The following TRPM4 variants were observed in gnomAD, a reference collection of about 807,000 sequenced individuals.
The protein encoded by TRPM4 is transient receptor potential cation channel subfamily M member 4.
TRPM4 carries 124 observed loss-of-function variants against 135.6 expected under a neutral mutation model. That is an observed-to-expected ratio of 0.91 (90% CI 0.79 to 1.06). TRPM4 has a LOEUF of 1.06. Among genes scored for constraint, TRPM4 ranks in the 50% least tolerant of loss-of-function variants. TRPM4 has a pLI of 0.00. For missense variants in TRPM4, 1,658 were observed against 1,671.4 expected (o/e 0.99, Z 0.14); for synonymous variants, 745 against 705.6 (o/e 1.06, Z -0.88).
chr19:49,202,197 C>T (rs1472667328), intron 20 of TRPM4, 56 bp downstream of exon 20: 1 of 1,587,494 alleles, frequency 6.3e-7, no homozygotes, highest in Non-Finnish European at 8.6e-7. Flanking sequence ...GTGGCCCTCT[C>T]ATGACTCTTG....
At chr19:49,203,325 G>A (rs573131487) in intron 20 of TRPM4, among the ~76,000 whole-genome samples, 65 of 151,796 alleles carry the variant, frequency 4.3e-4, no homozygotes, top group South Asian at 2.3e-3. Context: ...GACTACAGGC[G>A]TGCGCCACCA....
chr19:49,178,632 G>C (rs1193635744), intron 9 of TRPM4, among the ~76,000 whole-genome samples: 1 of 152,118 alleles, frequency 6.6e-6, no homozygotes, highest in African/African-American at 2.4e-5. Flanking sequence ...AGGGCTAGAT[G>C]CTGAGTTGAG....
chr19:49,186,417 G>A (rs35301859), intron 12 of TRPM4, among the ~76,000 whole-genome samples: 49,805 of 151,980 alleles, frequency 0.33, 8,410 homozygotes, highest in African/African-American at 0.41. Flanking sequence ...GCATCTAGCC[G>A]TCTGGATTTC....
At chr19:49,203,327 G>GCC (rs1568492062) in intron 20 of TRPM4, among the ~76,000 whole-genome samples, 3 of 151,662 alleles carry the variant, frequency 2.0e-5, no homozygotes, top group East Asian at 1.9e-4. Context: ...CTACAGGCGT[G>GCC]CGCCACCACA....
At position 49,210,268 on chromosome 19, in the gene TRPM4, G is replaced by A; in HGVS notation, c.3191G>A (p.Arg1064His). ...SDLYWKAQRY[R>H]LIREFHSRPA... is the part of the protein sequence containing the mutation. ...CTCTACTGGAAGGCGCAGCGTTACC[G>A]CCTCATCCGGGAATTCCACTCTCGG... is the stretch of plus-strand genomic sequence containing the variant. The change falls in exon 21 of 25, where the codon CGC becomes CAC. Residue 1064 changes from arginine (R) to histidine (H), a missense_variant. Physicochemically the swap from Arg to His is conservative, Grantham distance 29 (BLOSUM62 0). Transcript: ENST00000252826. The surrounding 1 kb of genome is among the most constrained non-coding windows in gnomAD (Gnocchi z 4.1). The A allele has an allele frequency of 6.2e-7, 1 of 1,614,212 alleles. No individual in the cohort carries two copies. Among genetic ancestry groups the A allele is most frequent in the Non-Finnish European group, 8.5e-7 (1 of 1,180,032 alleles).
chr19:49,168,104 G>A lies in TRPM4; in HGVS notation c.448+7G>A, dbSNP rs757240967. 21 of 1,599,696 alleles carry A rather than the reference G, an allele frequency of 1.3e-5. No individual in the cohort carries two copies. The highest frequency in any genetic ancestry group is 1.7e-5 in the Admixed American group (1 of 59,906). ...CGGGCTGCCCAGAGCACAGGTGACC[G>A]AGGGTGGGTGGGGGCTGTCTCCTGG... is the stretch of plus-strand genomic sequence containing the variant. On this transcript the variant is annotated splice_region_variant and intron_variant, in intron 4 of 24. Transcript: ENST00000252826.
rs1170815134 is a variant in TRPM4, at chr19:49,188,768, T to C, written c.1871T>C (p.Val624Ala). ...DLAFKFEGMG[V>A]DLFGECYRSS... ...GCGTTCAAGTTTGAGGGGATGGGCG[T>C]TGGTGCGTGGGGCACGGTGCCTGGG... The change falls in exon 13 of 25, where the codon GTT becomes GCT. Residue 624 changes from valine to alanine, a missense_variant and splice_region_variant. Val to Ala is a moderately conservative substitution (Grantham distance 64). Coordinates refer to ENST00000252826, the MANE Select transcript of TRPM4 (RefSeq NM_017636.4). 1.9e-6 allele frequency: 3 copies of C among 1,613,968 alleles called. No homozygotes were observed. Among genetic ancestry groups the C allele is most frequent in the Non-Finnish European group, 2.5e-6 (3 of 1,180,000 alleles).
intron 16 of TRPM4, among the ~76,000 whole-genome samples, chr19:49,194,454 A>C (rs1968547619): frequency 2.0e-5 from 3 of 152,150 alleles, no homozygotes; most frequent in Middle Eastern, 6.8e-3. Context: ...CATGTTGCCC[A>C]GGCTGGTCTC....
rs1967476288 is a variant in TRPM4 at position 49,171,916 on chromosome 19, G to A, written c.1051-93G>A. ...CTGGGCATATAGACTATTAGGTCCT[G>A]GAGGGGAATGGCCTCCTCCATCCCT... On this transcript the variant is annotated intron_variant, in intron 8 of 24. Coordinates refer to ENST00000252826, the MANE Select transcript of TRPM4 (RefSeq NM_017636.4). This position sits in a 1 kb window ranked among gnomAD's most constrained non-coding sequence, Gnocchi z 4.7. The A allele has an allele frequency of 1.5e-6, 2 of 1,375,242 alleles. No individual in the cohort carries two copies. The highest frequency in any genetic ancestry group is 2.3e-5 in the South Asian group (2 of 85,752). The allele number at this position is 1,375,242 out of a possible 1,614,324, so 85.2% of individuals were successfully genotyped here.
intron 16 of TRPM4, among the ~76,000 whole-genome samples, chr19:49,195,683 A>ATTTT (rs1293818542): frequency 5.1e-4 from 65 of 127,122 alleles, no homozygotes; most frequent in East Asian, 2.2e-3. Flanking sequence ...TTCTACTTTA[A>ATTTT]TTTTTTTTTT....
In TRPM4 at chr19:49,210,815, C is replaced by T. The variant is rs375682523; in HGVS notation, c.3434C>T (p.Ser1145Phe). The change falls in exon 22 of 25, where the codon TCC becomes TTC. Residue 1145 changes from serine to phenylalanine, a missense_variant. Ser to Phe is a radical substitution (Grantham distance 155). This residue lies in a region of TRPM4 where 1,412 missense variants were observed against 1,408.7 expected (regional missense o/e 1.00). Coordinates refer to ENST00000252826, the MANE Select transcript of TRPM4 (RefSeq NM_017636.4). This position sits in a 1 kb window ranked among gnomAD's most constrained non-coding sequence, Gnocchi z 4.1. ...ARARDKRESD[S>F]ERLKRTSQKV... ...GCTAGGGACAAGCGGGAGAGCGACTCCGAGCGTCTGAAGCGCACGTCCCAG... is the reference window on the plus strand; with the variant it reads ...GCTAGGGACAAGCGGGAGAGCGACTTCGAGCGTCTGAAGCGCACGTCCCAG... 1 of 1,613,138 alleles carries T rather than the reference C, an allele frequency of 6.2e-7. No homozygotes were observed. The highest frequency in any genetic ancestry group is 1.1e-5 in the South Asian group (1 of 90,840).
rs998836954 is a variant in TRPM4 at position 49,183,308 on chromosome 19, C to G, written c.1743+96C>G. On this transcript the variant is annotated intron_variant, in intron 12 of 24. Transcript: ENST00000252826. ...TACCATACAATTCCCCGACCCCTGA[C>G]GTCACCTGACAGGCGCCCCATCCTC... 1.2e-5 allele frequency: 18 copies of G among 1,538,358 alleles called. No homozygotes were observed. In the African/African-American group the frequency reaches 2.4e-4, roughly 21 times the overall value.
intron 9 of TRPM4, among the ~76,000 whole-genome samples, chr19:49,179,144 C>T (rs920834689): frequency 5.3e-5 from 8 of 152,044 alleles, no homozygotes; most frequent in Non-Finnish European, 1.2e-4. Context: ...CAACCTCCAC[C>T]TCCCGGGTTC....
chr19:49,168,117 G>T lies in TRPM4; in HGVS notation c.448+20G>T, dbSNP rs1467431727. On this transcript the variant is annotated intron_variant, in intron 4 of 24. Coordinates refer to ENST00000252826, the MANE Select transcript of TRPM4 (RefSeq NM_017636.4). ...GCACAGGTGACCGAGGGTGGGTGGGGGCTGTCTCCTGGGCCTCGGCCTGCC... is the reference window on the plus strand; with the variant it reads ...GCACAGGTGACCGAGGGTGGGTGGGTGCTGTCTCCTGGGCCTCGGCCTGCC... 1.3e-6 allele frequency: 2 copies of T among 1,596,548 alleles called. No individual in the cohort carries two copies. The highest frequency in any genetic ancestry group is 2.7e-5 in the African/African-American group (2 of 74,700).
At chr19:49,206,059 C>T (rs2145984725) in intron 20 of TRPM4, among the ~76,000 whole-genome samples, 1 of 152,280 alleles carries the variant, frequency 6.6e-6, no homozygotes, top group South Asian at 2.1e-4. Context: ...ATCCTGGATT[C>T]AAACGATTCT....
At chr19:49,187,575 C>G (rs1968244120) in intron 12 of TRPM4, among the ~76,000 whole-genome samples, 2 of 152,072 alleles carry the variant, frequency 1.3e-5, no homozygotes, top group South Asian at 4.1e-4. Flanking sequence ...TCTTGAATTC[C>G]TGGGCTCAAG....
chr19:49,158,558 CTG>C (rs746222419), intron 2 of TRPM4: 2 of 427,832 alleles, frequency 4.7e-6, no homozygotes, highest in Non-Finnish European at 8.4e-6. Context: ...TTCTGTGTCT[CTG>C]TCTTTCCCTT....
chr19:49,170,983 T>C (rs1284183204), intron 6 of TRPM4, among the ~76,000 whole-genome samples: 1 of 151,992 alleles, frequency 6.6e-6, no homozygotes, highest in Non-Finnish European at 1.5e-5. Flanking sequence ...CTTAGAAGGC[T>C]AAAGTAGGAG....
rs745752156 is a variant in TRPM4, at chr19:49,210,298, C to T, written c.3221C>T (p.Ala1074Val). ...RLIREFHSRPALAPPFIVISH... is the reference protein window; with the variant it reads ...RLIREFHSRPVLAPPFIVISH... ...ATCCGGGAATTCCACTCTCGGCCCG[C>T]GCTGGCCCCGCCCTTTATCGTCATC... is the stretch of plus-strand genomic sequence containing the variant. Residue 1074 changes from alanine to valine, a missense_variant, in exon 21 of 25, where the codon GCG (alanine) becomes GTG (valine). Coordinates refer to ENST00000252826, the MANE Select transcript of TRPM4 (RefSeq NM_017636.4). The surrounding 1 kb of genome is among the most constrained non-coding windows in gnomAD (Gnocchi z 4.1). 1.9e-5 allele frequency: 31 copies of T among 1,614,122 alleles called. No homozygotes were observed. The Admixed American group carries it at 3.7e-4, about 19-fold the overall frequency.
Sources: gnomAD v4.1 joint callset for allele counts (sites outside exome capture counted in the v4.1 genomes callset) on GRCh38, gnomAD v4.1.1 for gene constraint, gnomAD v4.1.1 regional missense constraint, Gnocchi (gnomAD v3.1) non-coding constraint, MANE v1.5 for transcripts, NCBI Gene and HGNC (gene_info 2026-07-23, HGNC 2026-07-21) for gene names.